PHGR1: variants seen among roughly 807,000 people sequenced by gnomAD.
PHGR1 encodes the protein proline, histidine and glycine-rich protein 1.
Under a neutral mutation model 4.9 loss-of-function variants are expected in PHGR1, and 3 were observed. The ratio of observed to expected loss-of-function variants is 0.61; its 90% CI spans 0.28 to 1.58. The LOEUF is 1.58. Ranked by LOEUF, PHGR1 falls within the 40% of genes most tolerant of loss-of-function variation. The probability of loss-of-function intolerance (pLI) is 0.11; values close to 1 mark genes in which losing one functional copy is unlikely to be tolerated. For synonymous variants in PHGR1, 32 were observed against 46.1 expected (o/e 0.69, Z 1.24); for missense variants, 81 against 118.7 (o/e 0.68, Z 1.48).
chr15:40,352,135 C>T (rs760678589), intron 1 of PHGR1, among the ~76,000 whole-genome samples: 6 of 152,080 alleles, frequency 3.9e-5, no homozygotes, highest in South Asian at 2.1e-4. Context: ...CCCTGGAGGT[C>T]GAGGCTTCAG....
At chr15:40,355,404 A>G (rs1481979572) in intron 3 of PHGR1, among the ~76,000 whole-genome samples, 1 of 152,210 alleles carries the variant, frequency 6.6e-6, no homozygotes, top group African/African-American at 2.4e-5. Context: ...ATCTGTGTAC[A>G]TACCAAGCTT....
At chr15:40,352,252 G>A (rs562534267) in intron 1 of PHGR1, among the ~76,000 whole-genome samples, 1 of 152,248 alleles carries the variant, frequency 6.6e-6, no homozygotes, top group South Asian at 2.1e-4. Flanking sequence ...AAGAGGTTCA[G>A]GGGGCTGTGT....
chr15:40,351,588 T>C (rs560528979), intron 1 of PHGR1, among the ~76,000 whole-genome samples: 1 of 152,212 alleles, frequency 6.6e-6, no homozygotes, highest in East Asian at 1.9e-4. Flanking sequence ...GCTGAACACT[T>C]TGAGTACAAG....
At chr15:40,355,491 TAC>T (rs921706407) in intron 3 of PHGR1, among the ~76,000 whole-genome samples, 2 of 152,118 alleles carry the variant, frequency 1.3e-5, no homozygotes, top group African/African-American at 4.8e-5. Flanking sequence ...TCTACACACA[TAC>T]ACACTACCTA....
At chr15:40,352,575 C>G (rs11070266) in intron 1 of PHGR1, among the ~76,000 whole-genome samples, 1 of 151,996 alleles carries the variant, frequency 6.6e-6, no homozygotes, top group Non-Finnish European at 1.5e-5. Flanking sequence ...GCTCCCACCC[C>G]CTTCCAATCC....
chr15:40,353,118 T>G (rs1595719160), intron 1 of PHGR1, 114 bp from the exon 2 acceptor site: 3 of 528,598 alleles, frequency 5.7e-6, no homozygotes, highest in Non-Finnish European at 8.3e-6. Flanking sequence ...AGGGTGTGTG[T>G]GTGTGTGTGT....
chr15:40,355,943 C>T (rs764750922), intron 3 of PHGR1, 130 bp from the exon 4 acceptor site: 1 of 943,214 alleles, frequency 1.1e-6, no homozygotes, highest in Non-Finnish European at 1.7e-6. Context: ...ATGCCCCCAG[C>T]CCTCCACCGC....
intron 3 of PHGR1, 61 bp downstream of exon 3, chr15:40,354,413 C>G (rs1442591637): frequency 2.0e-6 from 3 of 1,489,848 alleles, no homozygotes; most frequent in Non-Finnish European, 2.7e-6. Flanking sequence ...CTCCAGACCC[C>G]TAGCCTCCTT....
intron 3 of PHGR1, 117 bp from the exon 4 acceptor site, chr15:40,355,956 C>A: frequency 8.9e-7 from 1 of 1,120,102 alleles, no homozygotes; most frequent in South Asian, 1.3e-5. Flanking sequence ...TCCACCGCAA[C>A]TCCTTACTTG....
At chr15:40,353,896 C>T in intron 2 of PHGR1, 1 of 203,490 alleles carries the variant, frequency 4.9e-6, no homozygotes, top group South Asian at 8.0e-5. Context: ...CAACAAACAG[C>T]TCTGAGAGGC....
intron 2 of PHGR1, chr15:40,353,523 A>G: frequency 2.0e-6 from 1 of 497,480 alleles, no homozygotes; most frequent in Non-Finnish European, 3.6e-6. Context: ...CCCACCGCAC[A>G]CTCAAGGCCC....
In PHGR1 at chr15:40,354,836, G is replaced by C. The variant is rs1217893101; in HGVS notation, c.18+484G>C. ...CCAGCAGACTCAGTTCCTAGGCCTG[G>C]TCTGTGTGCCAACCCCCAAACAAAA... On this transcript the variant is annotated intron_variant, in intron 3 of 3. Transcript: ENST00000448599. Among the ~76,000 whole-genome samples the C allele has an allele frequency of 2.0e-5, 3 of 152,112 alleles. No homozygotes were observed. The East Asian group carries it at 5.8e-4, about 29-fold the overall frequency.
At chr15:40,353,350 A>G (rs981122527) in intron 2 of PHGR1, 83 bp downstream of exon 2, 16 of 1,532,818 alleles carry the variant, frequency 1.0e-5, no homozygotes, top group Non-Finnish European at 1.4e-5. Context: ...TCAGTCAGCC[A>G]TAACTAGTGC....
intron 1 of PHGR1, 82 bp from the exon 2 acceptor site, chr15:40,353,138 TGTGTGTGTGCGC>T (rs1272528735): frequency 3.2e-6 from 3 of 924,288 alleles, no homozygotes; most frequent in East Asian, 3.0e-5. Flanking sequence ...TGTGTGTGTG[TGTGTGTGTGCGC>T]GCGCGCGCGC....
intron 1 of PHGR1, among the ~76,000 whole-genome samples, chr15:40,352,804 T>C (rs1048758893): frequency 4.6e-5 from 7 of 152,212 alleles, no homozygotes; most frequent in African/African-American, 1.7e-4. Context: ...CAAGAGTCTG[T>C]AGGGACAAGC....
rs1595721074 is a variant in PHGR1 at position 40,356,371 on chromosome 15, G to A, written c.*68G>A. 6.5e-7 allele frequency: 1 copy of A among 1,548,848 alleles called. No individual in the cohort carries two copies. Among genetic ancestry groups the A allele is most frequent in the African/African-American group, 1.4e-5 (1 of 73,086 alleles). On this transcript the variant is annotated 3_prime_UTR_variant, in exon 4 of 4. Transcript: ENST00000448599. ...AATTGCCCAGCTGACCTGGAATGAG[G>A]CCTAAACCACAATCTTCTCTTCCTA...
rs1003672861 is a variant in PHGR1 at position 40,351,034 on chromosome 15, G to A, written c.-55G>A. ...ACACCTGAGGACAGACAGTGCCCCA[G>A]ACTTCCTGCCCCTGCTCTGCACTCT... On this transcript the variant is annotated 5_prime_UTR_variant, in exon 1 of 4. Coordinates refer to ENST00000448599, the MANE Select transcript of PHGR1 (RefSeq NM_001145643.2). The A allele has an allele frequency of 2.0e-5, 3 of 152,360 alleles. No individual in the cohort carries two copies. The highest frequency in any genetic ancestry group is 4.4e-5 in the Non-Finnish European group (3 of 68,186). 9.4% of individuals were successfully genotyped at this position (152,360 alleles called of 1,614,324 possible).
chr15:40,353,693 G>A, intron 2 of PHGR1: 1 of 214,822 alleles, frequency 4.7e-6, no homozygotes, highest in Non-Finnish European at 9.5e-6. Context: ...CACCAATGGG[G>A]CACTTCAGAA....
At chr15:40,354,280 G>T (rs1037788705) in intron 2 of PHGR1, 65 bp from the exon 3 acceptor site, 1 of 1,409,010 alleles carries the variant, frequency 7.1e-7, no homozygotes, top group South Asian at 1.3e-5. Context: ...GAGAAGACAG[G>T]TTTTTTTTTA....
Sources: gnomAD v4.1 joint callset for allele counts (sites outside exome capture counted in the v4.1 genomes callset) on GRCh38, gnomAD v4.1.1 for gene constraint, MANE v1.5 for transcripts, NCBI Gene and HGNC (gene_info 2026-07-23, HGNC 2026-07-21) for gene names.